The following MCTP1 variants were observed in gnomAD, a reference collection of about 807,000 sequenced individuals.
MCTP1 encodes multiple C2 and transmembrane domain-containing protein 1.
In MCTP1, 69 loss-of-function variants were observed where a neutral mutation model predicts 120.6. That is an observed-to-expected ratio of 0.57 (90% confidence interval 0.47 to 0.70). The LOEUF (loss-of-function observed/expected upper bound fraction) is 0.70, where lower values mean the gene tolerates loss of function less well. Among genes scored for constraint, MCTP1 ranks in the 30% least tolerant of loss-of-function variants. The pLI is 0.00. For synonymous variants in MCTP1, 529 were observed against 493.1 expected, an observed-to-expected ratio of 1.07 and a Z score of -0.96; for missense variants, 1,203 against 1,248.8, an observed-to-expected ratio of 0.96 and a Z score of 0.55.
intron 1 of MCTP1, among the ~76,000 whole-genome samples, chr5:95,262,304 C>T (rs1013838762): frequency 3.9e-5 from 6 of 152,164 alleles, no homozygotes; most frequent in African/African-American, 1.2e-4. Flanking sequence ...GCACATAGTT[C>T]ATTTCAAGCG....
At chr5:94,947,575 TATAGAGAGAGAGAG>T (rs1399158609) in intron 3 of MCTP1, among the ~76,000 whole-genome samples, 6 of 47,428 alleles carry the variant, frequency 1.3e-4, no homozygotes, top group Non-Finnish European at 7.8e-5. Context: ...TATATATATA[TATAGAGAGAGAGAG>T]AGAGAGAGAG....
At chr5:95,017,137 G>T (rs547467279) in intron 2 of MCTP1, among the ~76,000 whole-genome samples, 1 of 152,222 alleles carries the variant, frequency 6.6e-6, no homozygotes, top group African/African-American at 2.4e-5. Context: ...CAGTTTGATA[G>T]GGACTTTGCT....
intron 1 of MCTP1, among the ~76,000 whole-genome samples, chr5:95,083,485 G>T (rs937561128): frequency 6.6e-6 from 1 of 152,114 alleles, no homozygotes; most frequent in African/African-American, 2.4e-5. Context: ...ACAACGCAGG[G>T]GTCAAGGATG....
chr5:94,786,419 C>T (rs1561634463), intron 18 of MCTP1, among the ~76,000 whole-genome samples: 1 of 151,934 alleles, frequency 6.6e-6, no homozygotes, highest in Admixed American at 6.6e-5. Context: ...TATTTTTTAT[C>T]TTTTTTATAT....
chr5:94,880,305 T>C (rs1055704983), intron 12 of MCTP1, among the ~76,000 whole-genome samples: 2 of 152,150 alleles, frequency 1.3e-5, no homozygotes, highest in African/African-American at 4.8e-5. Context: ...TTAGGACTTA[T>C]AGTAAATATA....
chr5:94,816,372 C>T (rs1175484773), intron 17 of MCTP1, among the ~76,000 whole-genome samples: 1 of 151,938 alleles, frequency 6.6e-6, no homozygotes, highest in Non-Finnish European at 1.5e-5. Flanking sequence ...AATATCAATT[C>T]AATTATACTA....
chr5:94,960,329 C>G (rs191167036), intron 2 of MCTP1, among the ~76,000 whole-genome samples: 156 of 152,210 alleles, frequency 1.0e-3, no homozygotes, highest in African/African-American at 3.4e-3. Flanking sequence ...AGAAGAAAAC[C>G]TAGGCAATAC....
intron 1 of MCTP1, among the ~76,000 whole-genome samples, chr5:95,276,361 C>T (rs969414015): frequency 7.2e-6 from 1 of 138,656 alleles, no homozygotes; most frequent in Non-Finnish European, 1.5e-5. Context: ...TGGGTTCAAG[C>T]GATTCTCCTG....
intron 1 of MCTP1, among the ~76,000 whole-genome samples, chr5:95,243,228 A>T (rs1339876136): frequency 6.6e-6 from 1 of 152,382 alleles, no homozygotes; most frequent in African/African-American, 2.4e-5. Context: ...ATAGAAAAAA[A>T]GAGGGAAATA....
chr5:94,771,508 A>T (rs992710506), intron 19 of MCTP1, among the ~76,000 whole-genome samples: 2 of 152,274 alleles, frequency 1.3e-5, no homozygotes, highest in African/African-American at 4.8e-5. Context: ...ACCAGAAAGT[A>T]TATGACTGCA....
intron 1 of MCTP1, among the ~76,000 whole-genome samples, chr5:95,156,076 A>G (rs532095312): frequency 2.0e-5 from 3 of 152,326 alleles, no homozygotes; most frequent in African/African-American, 7.2e-5. Context: ...CTAGGAACAC[A>G]AAGACCTGAT....
chr5:95,018,392 G>C lies in MCTP1; in HGVS notation c.721-908C>G, dbSNP rs149406710. ...TATGCATGGATGAGGTAAAATAACAGACAACAGTCTTTTAATTCCATAATT... is the reference window on the plus strand; with the variant it reads ...TATGCATGGATGAGGTAAAATAACACACAACAGTCTTTTAATTCCATAATT... On this transcript the variant is annotated intron_variant, in intron 1 of 22. Transcript: ENST00000515393. 1.3e-3 allele frequency among the ~76,000 whole-genome samples: 200 copies of C among 151,890 alleles called. 2 individuals carry two copies. Among genetic ancestry groups the C allele is most frequent in the African/African-American group, 4.7e-3 (195 of 41,482 alleles).
chr5:94,982,437 T>C (rs990118141), intron 2 of MCTP1, among the ~76,000 whole-genome samples: 1 of 152,154 alleles, frequency 6.6e-6, no homozygotes, highest in Non-Finnish European at 1.5e-5. Flanking sequence ...AAGCTGGTGG[T>C]AAATGTCTTT....
chr5:95,271,896 C>T (rs908939856), intron 1 of MCTP1, among the ~76,000 whole-genome samples: 3 of 152,064 alleles, frequency 2.0e-5, no homozygotes, highest in Non-Finnish European at 2.9e-5. Context: ...ACCACAAATG[C>T]CGTCTTCCAA....
At chr5:94,991,657 TG>T (rs771445813) in intron 2 of MCTP1, among the ~76,000 whole-genome samples, 46 of 152,206 alleles carry the variant, frequency 3.0e-4, no homozygotes, top group Non-Finnish European at 6.0e-4. Flanking sequence ...GTGGATCACC[TG>T]ATGTCAGGAG....
At chr5:94,970,897 T>C (rs1826699855) in intron 2 of MCTP1, among the ~76,000 whole-genome samples, 1 of 151,998 alleles carries the variant, frequency 6.6e-6, no homozygotes, top group African/African-American at 2.4e-5. Context: ...AATTGTTTCC[T>C]TGAGTGTCAC....
At chr5:95,023,143 G>A (rs1397163250) in intron 1 of MCTP1, among the ~76,000 whole-genome samples, 1 of 152,168 alleles carries the variant, frequency 6.6e-6, no homozygotes, top group African/African-American at 2.4e-5. Context: ...TGGGCAACAT[G>A]AAACCATCAC....
intron 1 of MCTP1, among the ~76,000 whole-genome samples, chr5:95,219,273 T>A: frequency 6.6e-6 from 1 of 151,008 alleles, no homozygotes; most frequent in Non-Finnish European, 1.5e-5. Flanking sequence ...TCCCAGCTAC[T>A]CAGGAGGCTG....
chr5:95,117,118 A>G (rs1305925471), intron 1 of MCTP1, among the ~76,000 whole-genome samples: 1 of 152,200 alleles, frequency 6.6e-6, no homozygotes, highest in African/African-American at 2.4e-5. Flanking sequence ...ACATTCACAC[A>G]GCCAACAAAC....
Sources: gnomAD v4.1 joint callset for allele counts (sites outside exome capture counted in the v4.1 genomes callset) on GRCh38, gnomAD v4.1.1 for gene constraint, MANE v1.5 for transcripts, NCBI Gene and HGNC (gene_info 2026-07-23, HGNC 2026-07-21) for gene names.